Variants in AHCY observed in about 807,000 individuals in gnomAD.
The protein encoded by AHCY is adenosylhomocysteinase.
In AHCY, 24 loss-of-function variants were observed where a neutral mutation model predicts 45.4. The ratio of observed to expected loss-of-function variants is 0.53; its 90% CI spans 0.38 to 0.74. The LOEUF is 0.74. Ranked by LOEUF, AHCY falls within the 30% of genes least tolerant of loss-of-function variation. AHCY has a pLI of 0.00. For synonymous variants in AHCY, 245 were observed against 235.1 expected, an observed-to-expected ratio of 1.04 and a Z score of -0.39; for missense variants, 449 against 594.1, an observed-to-expected ratio of 0.76 and a Z score of 2.54.
At chr20:34,273,782 GTA>G in the AHCY span, among the ~76,000 whole-genome samples, 4 of 152,324 alleles carry the variant, frequency 2.6e-5, 1 homozygote, top group Admixed American at 2.6e-4. Context: ...TAGAAGGTGT[GTA>G]TGTTGGGAGC....
intron 1 of AHCY, among the ~76,000 whole-genome samples, chr20:34,301,550 G>T (rs780636658): frequency 6.6e-6 from 1 of 152,122 alleles, no homozygotes; most frequent in Non-Finnish European, 1.5e-5. Context: ...CTTGCTATGC[G>T]CCTTAAGTAA....
At chr20:34,295,307 A>G (rs773800968) in intron 2 of AHCY, 88 bp downstream of exon 2, 12 of 1,533,434 alleles carry the variant, frequency 7.8e-6, no homozygotes, top group Admixed American at 1.8e-5. Flanking sequence ...CCACACCTGG[A>G]AGGTCCCCAC....
chr20:34,283,813 GCC>G (rs1438300196), intron 9 of AHCY, among the ~76,000 whole-genome samples: 1 of 152,196 alleles, frequency 6.6e-6, no homozygotes, highest in East Asian at 1.9e-4. Flanking sequence ...GGAGGCAGAT[GCC>G]CCAGGCCTCT....
the AHCY span, among the ~76,000 whole-genome samples, chr20:34,238,538 G>C: frequency 1.3e-5 from 2 of 151,784 alleles, no homozygotes; most frequent in African/African-American, 4.8e-5. Context: ...TATCTCTATT[G>C]ATATTCCCCT....
chr20:34,252,769 G>A, the AHCY span, among the ~76,000 whole-genome samples: 1,336 of 152,262 alleles, frequency 8.8e-3, 5 homozygotes, highest in Middle Eastern at 0.037. Flanking sequence ...TCAGTGGGGG[G>A]AAACCTTGGA....
At chr20:34,302,008 T>TG (rs2036790706) in intron 1 of AHCY, 2 of 974,652 alleles carry the variant, frequency 2.1e-6, no homozygotes, top group South Asian at 9.5e-5. Context: ...TTTTGTTTGT[T>TG]TTTTTTTTTT....
upstream of AHCY, chr20:34,303,358 A>T (rs1378006166): frequency 7.2e-6 from 11 of 1,531,990 alleles, no homozygotes; most frequent in Non-Finnish European, 9.7e-6. Flanking sequence ...GAGCAGGGAT[A>T]TGCGCGTGGC....
At chr20:34,275,005 G>C in the AHCY span, among the ~76,000 whole-genome samples, 2 of 151,800 alleles carry the variant, frequency 1.3e-5, no homozygotes, top group African/African-American at 4.8e-5. Flanking sequence ...CCTCACTGCT[G>C]TATGACCTTG....
chr20:34,294,256 G>T, intron 2 of AHCY, 100 bp from the exon 3 acceptor site: 2 of 1,075,644 alleles, frequency 1.9e-6, no homozygotes, highest in Non-Finnish European at 2.8e-6. Flanking sequence ...GTGGGGAGAG[G>T]CTTGGGATCT....
chr20:34,252,408 G>A, the AHCY span, among the ~76,000 whole-genome samples: 5 of 152,284 alleles, frequency 3.3e-5, no homozygotes, highest in Middle Eastern at 3.4e-3. Flanking sequence ...TCAAGGAAAG[G>A]TACTGTGCCT....
the AHCY span, chr20:34,262,924 T>C: frequency 2.5e-6 from 4 of 1,612,160 alleles, no homozygotes; most frequent in South Asian, 1.1e-5. Flanking sequence ...GGAGTTCTCA[T>C]TGTTGGGGTG....
At chr20:34,295,277 C>T in intron 2 of AHCY, 118 bp downstream of exon 2, 1 of 1,276,322 alleles carries the variant, frequency 7.8e-7, no homozygotes, top group Non-Finnish European at 1.1e-6. Context: ...GGAGGAACCC[C>T]TCCAGGCCCG....
At chr20:34,272,363 C>A in the AHCY span, among the ~76,000 whole-genome samples, 1 of 152,200 alleles carries the variant, frequency 6.6e-6, no homozygotes, top group African/African-American at 2.4e-5. Flanking sequence ...AGCAGGCAAA[C>A]AATCAGTTCT....
At chr20:34,260,286 A>G in the AHCY span, 1 of 1,441,126 alleles carries the variant, frequency 6.9e-7, no homozygotes, top group Non-Finnish European at 9.4e-7. Context: ...ACCAGCCCAA[A>G]GAAGCACAAA....
At chr20:34,233,798 G>C in the AHCY span, among the ~76,000 whole-genome samples, 1 of 152,144 alleles carries the variant, frequency 6.6e-6, no homozygotes, top group African/African-American at 2.4e-5. Context: ...ACAATTGGCT[G>C]ATCAGACTAG....
intron 2 of AHCY, 131 bp from the exon 3 acceptor site, chr20:34,294,287 T>C (rs1367358887): frequency 2.3e-6 from 2 of 855,574 alleles, no homozygotes; most frequent in Non-Finnish European, 3.9e-6. Flanking sequence ...AGCTCTAGGA[T>C]CACAGGCTGG....
At chr20:34,258,697 T>A in the AHCY span, among the ~76,000 whole-genome samples, 7,195 of 13,128 alleles carry the variant, frequency 0.55, 2,707 homozygotes, top group African/African-American at 0.79. Context: ...ATATACATAC[T>A]ATATATATAT....
chr20:34,275,591 T>A (rs1365368739), downstream of AHCY, among the ~76,000 whole-genome samples: 1 of 152,128 alleles, frequency 6.6e-6, no homozygotes, highest in East Asian at 1.9e-4. Flanking sequence ...AGGGGCTAGA[T>A]CCAGTTAGTG....
upstream of AHCY, among the ~76,000 whole-genome samples, chr20:34,305,039 G>A (rs911640483): frequency 1.3e-4 from 19 of 150,842 alleles, no homozygotes; most frequent in African/African-American, 3.4e-4. Context: ...TCTTCTGGCC[G>A]GGCGCGTGGC....
Sources: allele counts gnomAD v4.1 joint callset (sites outside exome capture counted in the v4.1 genomes callset), GRCh38; gene constraint gnomAD v4.1.1; transcripts MANE v1.5; gene names NCBI Gene and HGNC (gene_info 2026-07-23, HGNC 2026-07-21).